INPP4A: variants seen among roughly 807,000 people sequenced by gnomAD.
The protein encoded by INPP4A is inositol polyphosphate-4-phosphatase type I A.
A neutral mutation model predicts 119.8 loss-of-function variants in INPP4A; 33 were observed. The ratio of observed to expected loss-of-function variants is 0.28; its 90% confidence interval spans 0.21 to 0.37. INPP4A has a LOEUF of 0.37. Among genes scored for constraint, INPP4A ranks in the 10% least tolerant of loss-of-function variants. The pLI, the probability that INPP4A is intolerant of heterozygous loss-of-function variation, is 1.00. For missense variants in INPP4A, 956 were observed against 1,289.9 expected (o/e 0.74, Z 3.97); for synonymous variants, 496 against 500.7 (o/e 0.99, Z 0.12).
At chr2:98,498,477 C>A (rs769453748) in intron 1 of INPP4A, among the ~76,000 whole-genome samples, 3 of 151,904 alleles carry the variant, frequency 2.0e-5, no homozygotes, top group Admixed American at 2.0e-4. Flanking sequence ...ATGTCTTTAT[C>A]AGCAGCATGA....
intron 23 of INPP4A, among the ~76,000 whole-genome samples, chr2:98,574,003 C>G (rs1163766177): frequency 6.6e-6 from 1 of 152,222 alleles, no homozygotes; most frequent in Non-Finnish European, 1.5e-5. Flanking sequence ...TCTCCCCTCT[C>G]TGGGCCTGGC....
rs1237892534 is a variant in INPP4A at position 98,566,742 on chromosome 2, TGTGTGCCTGTGTGTGCAC to T, written c.2420+587_2420+604del. ...CTTGCCACACTGCAGAGGGGAGTTG[TGTGTGCCTGTGTGTGCAC>T]GTGTGCCTGTGTGCGCACATGTGTG... On this transcript the variant is annotated intron_variant, in intron 21 of 24. Coordinates refer to ENST00000409851, the MANE Select transcript of INPP4A (RefSeq NM_001134225.2). This position sits in a 1 kb window ranked among gnomAD's most constrained non-coding sequence, Gnocchi z 4.2. Among the ~76,000 whole-genome samples, 8 of 152,074 alleles carry T rather than the reference TGTGTGCCTGTGTGTGCAC, an allele frequency of 5.3e-5. No individual in the cohort carries two copies. The highest frequency in any genetic ancestry group is 1.0e-4 in the Non-Finnish European group (7 of 68,010).
At chr2:98,460,098 A>T (rs956151451) in intron 1 of INPP4A, among the ~76,000 whole-genome samples, 1 of 132,368 alleles carries the variant, frequency 7.6e-6, no homozygotes, top group Non-Finnish European at 1.6e-5. Context: ...GGGTTTGGTC[A>T]TCGTGTGTGT....
chr2:98,538,084 C>T, intron 8 of INPP4A, 110 bp downstream of exon 8: 1 of 686,874 alleles, frequency 1.5e-6, no homozygotes, highest in Non-Finnish European at 2.5e-6. Flanking sequence ...GCAGGGCCTG[C>T]TGCTTGATGC....
At chr2:98,445,144 A>C (rs1414135790) in intron 1 of INPP4A, 59 bp downstream of exon 1, 4 of 151,494 alleles carry the variant, frequency 2.6e-5, no homozygotes, top group Admixed American at 1.3e-4. Flanking sequence ...GGGGCCGGGG[A>C]CGGACAGCGG....
intron 1 of INPP4A, among the ~76,000 whole-genome samples, chr2:98,450,919 A>G (rs1450578145): frequency 1.3e-5 from 2 of 152,078 alleles, no homozygotes; most frequent in Admixed American, 6.6e-5. Context: ...TTACAGGCAT[A>G]TACCACCATG....
At chr2:98,491,103 G>T (rs1464100936) in intron 1 of INPP4A, among the ~76,000 whole-genome samples, 1 of 152,240 alleles carries the variant, frequency 6.6e-6, no homozygotes, top group Non-Finnish European at 1.5e-5. Flanking sequence ...ATGTCGGCTT[G>T]CAGCAGAGAC....
At chr2:98,470,287 A>T (rs1347212097) in intron 1 of INPP4A, among the ~76,000 whole-genome samples, 2 of 152,214 alleles carry the variant, frequency 1.3e-5, no homozygotes, top group Non-Finnish European at 2.9e-5. Context: ...CCAGTGGTGC[A>T]GGTGGGGAGA....
intron 17 of INPP4A, among the ~76,000 whole-genome samples, chr2:98,562,609 T>A (rs1319079666): frequency 2.0e-5 from 3 of 152,218 alleles, no homozygotes; most frequent in Admixed American, 6.5e-5. Flanking sequence ...ATTCACCAAG[T>A]GGTGATGGTC....
rs1256121970 is a variant in INPP4A, at chr2:98,566,196, G to A, written c.2420+27G>A. 5.1e-6 allele frequency: 8 copies of A among 1,554,338 alleles called. No individual in the cohort carries two copies. The highest frequency in any genetic ancestry group is 7.0e-6 in the Non-Finnish European group (8 of 1,146,390). Reference sequence around the variant, plus strand: ...TGCGTGCCGGCTCCTCGGGGCTGCGGGGGTGTGGTGGCCCTGGAGATGATG... The same window carrying A: ...TGCGTGCCGGCTCCTCGGGGCTGCGAGGGTGTGGTGGCCCTGGAGATGATG... On this transcript the variant is annotated intron_variant, in intron 21 of 24. Coordinates refer to ENST00000409851, the MANE Select transcript of INPP4A (RefSeq NM_001134225.2). The surrounding 1 kb of genome is among the most constrained non-coding windows in gnomAD (Gnocchi z 4.2).
intron 23 of INPP4A, among the ~76,000 whole-genome samples, chr2:98,576,402 A>T (rs1469068998): frequency 6.6e-6 from 1 of 152,136 alleles, no homozygotes; most frequent in Non-Finnish European, 1.5e-5. Context: ...TGCTACCGGG[A>T]AAGTATGGCG....
chr2:98,571,803 C>T (rs1294170664), intron 22 of INPP4A: 5 of 152,438 alleles, frequency 3.3e-5, no homozygotes, highest in African/African-American at 1.2e-4. Flanking sequence ...CAAAGTGCAT[C>T]TTGGGAGGTG....
chr2:98,554,387 G>T lies in INPP4A; in HGVS notation c.1464G>T (p.Glu488Asp). 7 of 1,613,876 alleles carry T rather than the reference G, an allele frequency of 4.3e-6. No homozygotes were observed. Among genetic ancestry groups the T allele is most frequent in the Non-Finnish European group, 2.5e-6 (3 of 1,179,856 alleles). The change falls in exon 15 of 25, where the codon GAG becomes GAT. Residue 488 changes from glutamate to aspartate, a missense_variant. Around this residue, in one of 2 missense-constraint regions of INPP4A, gnomAD observed 652 missense variants for 797.9 expected, o/e 0.82. Transcript: ENST00000409851. This position sits in a 1 kb window ranked among gnomAD's most constrained non-coding sequence, Gnocchi z 4.7. ...ASKASPTSTEEEQVMLRNDQD... is the reference protein window; with the variant it reads ...ASKASPTSTEDEQVMLRNDQD... ...AGGCCTCTCCCACTTCGACTGAGGA[G>T]GAGCAGGTGATGCTTAGAAATGACC...
intron 1 of INPP4A, among the ~76,000 whole-genome samples, chr2:98,513,799 A>G (rs907329489): frequency 6.6e-6 from 1 of 152,218 alleles, no homozygotes; most frequent in Middle Eastern, 3.2e-3. Flanking sequence ...CACCGCAGCC[A>G]TTCTGGCTCT....
At chr2:98,539,453 C>T (rs1190408190) in intron 9 of INPP4A, 75 bp from the exon 10 acceptor site, 12 of 1,498,702 alleles carry the variant, frequency 8.0e-6, no homozygotes, top group African/African-American at 4.2e-5. Flanking sequence ...CCCTGAGGGC[C>T]GGGGGAGGAG....
intron 16 of INPP4A, among the ~76,000 whole-genome samples, chr2:98,558,144 T>C (rs1428856623): frequency 6.6e-6 from 1 of 152,172 alleles, no homozygotes; most frequent in East Asian, 1.9e-4. Context: ...AGACCCCCTT[T>C]TTCTCCCCTT....
intron 1 of INPP4A, among the ~76,000 whole-genome samples, chr2:98,463,976 C>T (rs534124904): frequency 5.4e-4 from 83 of 152,302 alleles, no homozygotes; most frequent in African/African-American, 1.6e-3. Context: ...GTGAACCTGG[C>T]GCTGGCAGAA....
intron 17 of INPP4A, 33 bp from the exon 18 acceptor site, chr2:98,563,432 C>T (rs1695853314): frequency 1.3e-6 from 2 of 1,592,490 alleles, no homozygotes; most frequent in Non-Finnish European, 1.7e-6. Context: ...AAATCTCTCT[C>T]TCATTGTGAT....
chr2:98,461,787 T>C (rs560607988), intron 1 of INPP4A, among the ~76,000 whole-genome samples: 1 of 152,342 alleles, frequency 6.6e-6, no homozygotes, highest in South Asian at 2.1e-4. Context: ...GTGTGCCTCT[T>C]CTGACGGTTT....
Sources: gnomAD v4.1 joint callset for allele counts (sites outside exome capture counted in the v4.1 genomes callset) on GRCh38, gnomAD v4.1.1 for gene constraint, gnomAD v4.1.1 regional missense constraint, Gnocchi (gnomAD v3.1) non-coding constraint, MANE v1.5 for transcripts, NCBI Gene and HGNC (gene_info 2026-07-23, HGNC 2026-07-21) for gene names.